The following TTF1 variants were observed in gnomAD, a reference collection of about 807,000 sequenced individuals.
The protein encoded by TTF1 is transcription termination factor, RNA polymerase I.
A neutral mutation model predicts 80.2 loss-of-function variants in TTF1; 64 were observed. That is an observed-to-expected ratio of 0.80 (90% confidence interval 0.65 to 0.98). The LOEUF is 0.98. Among genes scored for constraint, TTF1 ranks in the 50% least tolerant of loss-of-function variants. TTF1 has a pLI of 0.00. For missense variants in TTF1, 1,023 were observed against 1,086.2 expected (o/e 0.94, Z 0.82); for synonymous variants, 372 against 382.7 (o/e 0.97, Z 0.33).
At chr9:132,393,602 G>A (rs1029431735) in intron 5 of TTF1, among the ~76,000 whole-genome samples, 4 of 152,134 alleles carry the variant, frequency 2.6e-5, no homozygotes, top group African/African-American at 7.2e-5. Flanking sequence ...TAATAAATAC[G>A]TGGGTAAATC....
chr9:132,400,200 A>T lies in TTF1; in HGVS notation c.1426T>A (p.Tyr476Asn). 2 of 1,614,222 alleles carry T rather than the reference A, an allele frequency of 1.2e-6. No homozygotes were observed. The highest frequency in any genetic ancestry group is 1.7e-6 in the Non-Finnish European group (2 of 1,180,046). Residue 476 changes from tyrosine to asparagine, a missense_variant, in exon 3 of 11, where the codon TAC becomes AAC. Tyr to Asn is a moderately radical substitution (Grantham distance 143, BLOSUM62 -2). Coordinates refer to ENST00000334270, the MANE Select transcript of TTF1 (RefSeq NM_007344.4). ...GCATCTCCTGAATCTGCAGATAAGT[A>T]TCTTATTTCGGAATCTTCAGCTGTT... ...VETAEDSEIRYLSADSGDADD... is the reference protein window; with the variant it reads ...VETAEDSEIRNLSADSGDADD...
At chr9:132,400,472 G>A (rs962304928) in intron 2 of TTF1, among the ~76,000 whole-genome samples, 6 of 152,082 alleles carry the variant, frequency 3.9e-5, no homozygotes, top group African/African-American at 7.2e-5. Flanking sequence ...ACAGGTACGC[G>A]CCACCACGCC....
intron 10 of TTF1, among the ~76,000 whole-genome samples, chr9:132,377,194 T>TG (rs1849197338): frequency 7.7e-6 from 1 of 129,768 alleles, no homozygotes; most frequent in Non-Finnish European, 1.6e-5. Context: ...AGTGCATGCA[T>TG]GTGGTGTGAG....
At chr9:132,390,396 A>G in intron 7 of TTF1, among the ~76,000 whole-genome samples, 1 of 152,212 alleles carries the variant, frequency 6.6e-6, no homozygotes, top group East Asian at 1.9e-4. Context: ...TTTAGGAGAA[A>G]AGCATACACT....
rs1366008096 is a variant in TTF1, at chr9:132,377,897, GGTGTGAGTGCATGTGT to G, written c.2464+1146_2464+1161del. On this transcript the variant is annotated intron_variant, in intron 10 of 10. Transcript: ENST00000334270. Reference sequence around the variant, plus strand: ...GCATGTGGTGTGTGTGAGTGCATGTGGTGTGAGTGCATGTGTGTGTGAGTGCATGTGGTGCGTGTGA... The same window carrying G: ...GCATGTGGTGTGTGTGAGTGCATGTGGTGTGAGTGCATGTGGTGCGTGTGA... Among the ~76,000 whole-genome samples the G allele has an allele frequency of 2.7e-3, 366 of 134,022 alleles. 4 individuals carry two copies. Among genetic ancestry groups the G allele is most frequent in the African/African-American group, 0.01 (346 of 34,038 alleles). The allele number at this position is 134,022 out of a possible 152,430, so 87.9% of individuals were successfully genotyped here.
At chr9:132,376,837 T>C (rs1326434948) in intron 10 of TTF1, among the ~76,000 whole-genome samples, 2 of 152,008 alleles carry the variant, frequency 1.3e-5, no homozygotes, top group Middle Eastern at 3.4e-3. Context: ...AGCACCACCA[T>C]GCCTGGACAC....
chr9:132,376,628 C>T (rs1363054984), intron 10 of TTF1, among the ~76,000 whole-genome samples: 3 of 150,684 alleles, frequency 2.0e-5, no homozygotes, highest in South Asian at 2.1e-4. Context: ...GGAATTGGTA[C>T]GTAGGTCTGA....
At chr9:132,388,265 A>G (rs1349872197) in intron 7 of TTF1, 37 bp from the exon 8 acceptor site, 1 of 1,462,094 alleles carries the variant, frequency 6.8e-7, no homozygotes, top group African/African-American at 1.4e-5. Context: ...TTTACTTTCA[A>G]GGGTAGAGTT....
Position 132,392,051 on chromosome 9 carries a change from G to A in TTF1, c.1987+25C>T, listed in dbSNP as rs767722711. The A allele has an allele frequency of 1.9e-6, 3 of 1,613,242 alleles. No individual in the cohort carries two copies. The African/African-American group carries it at 4.0e-5, about 22-fold the overall frequency. On this transcript the variant is annotated intron_variant, in intron 6 of 10. Transcript: ENST00000334270. ...TGTCAGGGCTTATTTCTTCAGCGAG[G>A]TGGGCACTGGGGGCTGCCACTTACG...
At chr9:132,386,996 C>T (rs1849480540) in intron 8 of TTF1, among the ~76,000 whole-genome samples, 1 of 152,162 alleles carries the variant, frequency 6.6e-6, no homozygotes, top group African/African-American at 2.4e-5. Context: ...CTCGCTCTGT[C>T]ACCCTGGCTG....
intron 1 of TTF1, 26 bp from the exon 2 acceptor site, chr9:132,402,854 T>C (rs1224385218): frequency 6.5e-7 from 1 of 1,546,288 alleles, no homozygotes; most frequent in East Asian, 2.3e-5. Context: ...ACAACAATGG[T>C]TTATTTTTGC....
At chr9:132,383,923 C>A (rs1849415882) in intron 9 of TTF1, among the ~76,000 whole-genome samples, 1 of 152,194 alleles carries the variant, frequency 6.6e-6, no homozygotes, top group South Asian at 2.1e-4. Context: ...AGCCAGTCCC[C>A]TATTAACAGG....
Position 132,401,695 on chromosome 9 carries a change from A to T in TTF1, c.1127T>A (p.Leu376His), listed in dbSNP as rs1455586858. 1.9e-6 allele frequency: 3 copies of T among 1,614,230 alleles called. No homozygotes were observed. Among genetic ancestry groups the T allele is most frequent in the Non-Finnish European group, 1.7e-6 (2 of 1,180,048 alleles). ...EVGTVEGSTA[L>H]KGFKESNSTK... The stretch of plus-strand genomic sequence containing the variant: ...ACTGTTGGATTCCTTGAACCCTTTA[A>T]GAGCTGTACTGCCTTCCACAGTCCC... Residue 376 changes from leucine to histidine, a missense_variant, in exon 2 of 11, where the codon CTT becomes CAT. Coordinates refer to ENST00000334270, the MANE Select transcript of TTF1 (RefSeq NM_007344.4).
At chr9:132,385,379 T>C (rs1479764570) in intron 9 of TTF1, among the ~76,000 whole-genome samples, 1 of 152,170 alleles carries the variant, frequency 6.6e-6, no homozygotes. Flanking sequence ...TACACAAAGG[T>C]AACTGGAACT....
rs765030624 is a variant in TTF1 at position 132,398,161 on chromosome 9, T to C, written c.1757A>G (p.Tyr586Cys). ...CTTACCAATGTGTAATCTAAACGAG[T>C]ATCTCCTTTTTAAGTTGGTGATCAC... ...KSVITNLKRR[Y>C]SFRLHIGRNI... The change falls in exon 4 of 11, where the codon TAC becomes TGC. Residue 586 changes from tyrosine (Y) to cysteine (C), a missense_variant. Tyr to Cys is a radical substitution (Grantham distance 194). Transcript: ENST00000334270. 17 of 1,587,698 alleles carry C rather than the reference T, an allele frequency of 1.1e-5. No homozygotes were observed. The highest frequency in any genetic ancestry group is 6.0e-6 in the Non-Finnish European group (7 of 1,172,346).
intron 3 of TTF1, among the ~76,000 whole-genome samples, chr9:132,398,565 A>ATCT (rs983770759): frequency 3.1e-4 from 47 of 152,032 alleles, no homozygotes; most frequent in African/African-American, 1.1e-3. Context: ...TTCCTGTTTA[A>ATCT]TCTATCTTTT....
chr9:132,399,763 G>A (rs571247997), intron 3 of TTF1, among the ~76,000 whole-genome samples: 6 of 152,116 alleles, frequency 3.9e-5, no homozygotes, highest in Admixed American at 1.3e-4. Context: ...TTAACCTCTC[G>A]TCCCTTCTCT....
At position 132,379,115 on chromosome 9, in the gene TTF1, T is replaced by G. The variant is rs1849320003; in HGVS notation, c.2408A>C (p.Lys803Thr). The change falls in exon 10 of 11, where the codon AAA becomes ACA. Residue 803 changes from lysine (K) to threonine (T), a missense_variant. Physicochemically the swap from Lys to Thr is moderately conservative, Grantham distance 78. Coordinates refer to ENST00000334270, the MANE Select transcript of TTF1 (RefSeq NM_007344.4). ...GDVPPSYVQT[K>T]FSRLKAVYVP... The stretch of plus-strand genomic sequence containing the variant: ...ATAGACAGCTTTCAGCCTAGAAAAT[T>G]TAGTTTGAACGTAAGATGGAGGAAC... 1 of 1,608,946 alleles carries G rather than the reference T, an allele frequency of 6.2e-7. No homozygotes were observed. The highest frequency in any genetic ancestry group is 1.1e-5 in the South Asian group (1 of 89,554).
chr9:132,394,123 A>T, intron 5 of TTF1, among the ~76,000 whole-genome samples: 1 of 151,788 alleles, frequency 6.6e-6, no homozygotes, highest in East Asian at 1.9e-4. Flanking sequence ...GGCTGGTCTC[A>T]AACTCCTAAT....
Sources: gnomAD v4.1 joint callset for allele counts (sites outside exome capture counted in the v4.1 genomes callset) on GRCh38, gnomAD v4.1.1 for gene constraint, MANE v1.5 for transcripts, NCBI Gene and HGNC (gene_info 2026-07-23, HGNC 2026-07-21) for gene names.